FAM8A1: variants seen among roughly 807,000 people sequenced by gnomAD.
FAM8A1 encodes the protein family with sequence similarity 8 member A1.
FAM8A1 carries 18 observed loss-of-function variants against 38.3 expected under a neutral mutation model. The observed-to-expected ratio is 0.47, with a 90% CI of 0.33 to 0.70. The LOEUF (loss-of-function observed/expected upper bound fraction) is 0.70. FAM8A1 is among the 30% of genes least tolerant of loss of function. The pLI, the probability that FAM8A1 is intolerant of heterozygous loss-of-function variation, is 0.03. For missense variants in FAM8A1, 559 were observed against 559.6 expected, an observed-to-expected ratio of 1.00 and a Z score of 0.01; for synonymous variants, 246 against 234.4, an observed-to-expected ratio of 1.05 and a Z score of -0.45.
At chr6:17,606,818 G>A (rs1764059003) in intron 4 of FAM8A1, among the ~76,000 whole-genome samples, 1 of 152,168 alleles carries the variant, frequency 6.6e-6, no homozygotes, top group Non-Finnish European at 1.5e-5. Flanking sequence ...TGGAAACTGT[G>A]GAGGTCAGTG....
intron 1 of FAM8A1, 114 bp from the exon 2 acceptor site, chr6:17,602,476 T>A (rs1365175773): frequency 2.0e-6 from 2 of 1,010,266 alleles, no homozygotes; most frequent in African/African-American, 1.7e-5. Context: ...GTTATAAATA[T>A]TTTTTATTAA....
At chr6:17,606,131 TTGAA>T in intron 4 of FAM8A1, 118 bp downstream of exon 4, 1 of 662,934 alleles carries the variant, frequency 1.5e-6, no homozygotes, top group Non-Finnish European at 2.2e-6. Context: ...AAAACAAAGT[TTGAA>T]TATTTATTTC....
Position 17,600,595 on chromosome 6 carries a change from C to T in FAM8A1, c.186C>T (p.Ala62=), listed in dbSNP as rs1034901040. 1.3e-6 allele frequency: 2 copies of T among 1,492,076 alleles called. No homozygotes were observed. Among genetic ancestry groups the T allele is most frequent in the Non-Finnish European group, 1.8e-6 (2 of 1,125,796 alleles). The allele number at this position is 1,492,076 out of a possible 1,614,324, so 92.4% of individuals were successfully genotyped here. A position where few individuals can be genotyped will look rare whatever the true frequency, so the allele number is the denominator to read the frequency against. Reference sequence around the variant, plus strand: ...CAGCCCCGGGCCTCGCGGCTGCCGCCGCAGCCGACAAATTGGAGCCGCCGC... The same window carrying T: ...CAGCCCCGGGCCTCGCGGCTGCCGCTGCAGCCGACAAATTGGAGCCGCCGC... ...RPTAPGLAAA[A]AADKLEPPRE... is the part of the protein sequence containing the mutation. Residue 62 remains alanine, a synonymous_variant, in exon 1 of 5, where the codon GCC becomes GCT. Transcript: ENST00000259963.
In FAM8A1 at chr6:17,600,784, C is replaced by A. The variant is rs751495375; in HGVS notation, c.375C>A (p.Tyr125Ter). The A allele has an allele frequency of 6.2e-7, 1 of 1,611,250 alleles. No individual in the cohort carries two copies. The highest frequency in any genetic ancestry group is 8.5e-7 in the Non-Finnish European group (1 of 1,179,696). ...RQVHEWLWQS[Y>*]CGYLTWHSGL... is the part of the protein sequence containing the mutation. ...TGCACGAGTGGCTGTGGCAGTCCTA[C>A]TGCGGCTACCTCACCTGGCACAGCG... is the stretch of plus-strand genomic sequence containing the variant. The change falls in exon 1 of 5, where the codon TAC (tyrosine) becomes TAA (stop). Residue 125 changes from tyrosine to a stop codon, truncating the protein, a stop_gained. Transcript: ENST00000259963. LOFTEE classifies it high-confidence loss of function.
At chr6:17,605,098 T>A in intron 3 of FAM8A1, 69 bp downstream of exon 3, 1 of 1,417,604 alleles carries the variant, frequency 7.1e-7, no homozygotes, top group Non-Finnish European at 9.5e-7. Flanking sequence ...TTTATTTTTT[T>A]GAGACAGAGT....
Position 17,608,615 on chromosome 6 carries a change from T to C in FAM8A1, c.*276T>C, listed in dbSNP as rs974425643. On this transcript the variant is annotated 3_prime_UTR_variant, in exon 5 of 5. Coordinates refer to ENST00000259963, the MANE Select transcript of FAM8A1 (RefSeq NM_016255.3). The stretch of plus-strand genomic sequence containing the variant: ...ATACTTTCTTAAGATCTAAGGTACT[T>C]TCTTAAGATCTAAGAATTTGCTGAA... The C allele has an allele frequency of 3.8e-6, 1 of 260,668 alleles. No individual in the cohort carries two copies. The allele number at this position is 260,668 out of a possible 1,614,324, so 16.1% of individuals were successfully genotyped here.
At chr6:17,601,223 CTGAT>C (rs1315731278) in intron 1 of FAM8A1, 102 bp downstream of exon 1, 15 of 1,412,964 alleles carry the variant, frequency 1.1e-5, no homozygotes, top group South Asian at 2.7e-5. Flanking sequence ...TGCTTCTACT[CTGAT>C]TGACTATCCT....
rs1035046039 is a variant in FAM8A1, at chr6:17,611,370, G to T, written c.*3031G>T. The T allele has an allele frequency of 6.6e-6, 1 of 152,574 alleles. No homozygotes were observed. The highest frequency in any genetic ancestry group is 1.5e-5 in the Non-Finnish European group (1 of 68,014). 9.5% of individuals were successfully genotyped at this position (152,574 alleles called of 1,614,324 possible). ...TAAAGGGCTTTTTGAGGGGGGTATG[G>T]ATATTAAATGTTTTCGTTATATACT... On this transcript the variant is annotated 3_prime_UTR_variant, in exon 5 of 5. Transcript: ENST00000259963.
Position 17,600,956 on chromosome 6 carries a change from G to A in FAM8A1, c.547G>A (p.Ala183Thr). The A allele has an allele frequency of 6.3e-7, 1 of 1,592,402 alleles. No individual in the cohort carries two copies. The highest frequency in any genetic ancestry group is 8.5e-7 in the Non-Finnish European group (1 of 1,171,730). ...NPFYFLSPGA[A>T]GPDPRTAAGI... ...CTTCTACTTCCTGAGCCCCGGGGCC[G>A]CGGGGCCTGACCCGCGGACAGCTGC... The change falls in exon 1 of 5, where the codon GCG becomes ACG. Residue 183 changes from alanine (A) to threonine (T), a missense_variant. Around this residue, in one of 2 missense-constraint regions of FAM8A1, gnomAD observed 393 missense variants for 338.9 expected, o/e 1.16. Coordinates refer to ENST00000259963, the MANE Select transcript of FAM8A1 (RefSeq NM_016255.3).
Position 17,608,836 on chromosome 6 carries a change from T to G in FAM8A1, c.*497T>G, listed in dbSNP as rs1649205206. On this transcript the variant is annotated 3_prime_UTR_variant, in exon 5 of 5. Coordinates refer to ENST00000259963, the MANE Select transcript of FAM8A1 (RefSeq NM_016255.3). ...AAATTGGATAATCCACTGTCTCCCA[T>G]CCCAGGAGGTGGTGAGTTGGCTACA... is the stretch of plus-strand genomic sequence containing the variant. 6.6e-6 allele frequency: 1 copy of G among 152,202 alleles called. No homozygotes were observed. Among genetic ancestry groups the G allele is most frequent in the Non-Finnish European group, 1.5e-5 (1 of 68,076 alleles). The allele number at this position is 152,202 out of a possible 1,614,324, so 9.4% of individuals were successfully genotyped here.
At chr6:17,607,519 C>CTA (rs1471401010) in intron 4 of FAM8A1, among the ~76,000 whole-genome samples, 6 of 148,204 alleles carry the variant, frequency 4.0e-5, no homozygotes, top group Non-Finnish European at 9.0e-5. Context: ...TATCTATATA[C>CTA]TATCTATAGT....
In FAM8A1 at chr6:17,602,724, A is replaced by C; in HGVS notation, c.833+14A>C. ...CAGTGGGATAAAGTAAGTTGAGGAC[A>C]TTTGCAGAAGGGTTTTAATTTCTAC... On this transcript the variant is annotated intron_variant, in intron 2 of 4. Transcript: ENST00000259963. 1 of 1,552,726 alleles carries C rather than the reference A, an allele frequency of 6.4e-7. No homozygotes were observed. The highest frequency in any genetic ancestry group is 1.4e-5 in the African/African-American group (1 of 72,494).
chr6:17,602,531 T>C, intron 1 of FAM8A1, 59 bp from the exon 2 acceptor site: 2 of 1,475,088 alleles, frequency 1.4e-6, no homozygotes, highest in Admixed American at 2.3e-5. Context: ...TGGCTTGTGT[T>C]CCAAGGCTTA....
chr6:17,600,626 C>T lies in FAM8A1; in HGVS notation c.217C>T (p.Leu73Phe). The change falls in exon 1 of 5, where the codon CTC becomes TTC. Residue 73 changes from leucine to phenylalanine, a missense_variant. Leu to Phe is a conservative substitution (Grantham distance 22). Coordinates refer to ENST00000259963, the MANE Select transcript of FAM8A1 (RefSeq NM_016255.3). Reference sequence around the variant, plus strand: ...CGACAAATTGGAGCCGCCGCGCGAGCTCAGGAAGCGCGGGGAGGCGGCCTC... The same window carrying T: ...CGACAAATTGGAGCCGCCGCGCGAGTTCAGGAAGCGCGGGGAGGCGGCCTC... ...AADKLEPPRE[L>F]RKRGEAASGS... 6.6e-7 allele frequency: 1 copy of T among 1,521,654 alleles called. No homozygotes were observed. The allele number at this position is 1,521,654 out of a possible 1,614,324, so 94.3% of individuals were successfully genotyped here.
chr6:17,603,375 A>T (rs550096520), intron 2 of FAM8A1, among the ~76,000 whole-genome samples: 1 of 152,244 alleles, frequency 6.6e-6, no homozygotes, highest in Non-Finnish European at 1.5e-5. Flanking sequence ...AGTTGAGCAC[A>T]GAACCTAAAA....
chr6:17,611,007 A>C lies in FAM8A1; in HGVS notation c.*2668A>C, dbSNP rs1208871673. 6.6e-6 allele frequency: 1 copy of C among 152,198 alleles called. No individual in the cohort carries two copies. Among genetic ancestry groups the C allele is most frequent in the East Asian group, 1.9e-4 (1 of 5,196 alleles). 9.4% of individuals were successfully genotyped at this position (152,198 alleles called of 1,614,324 possible). A position where few individuals can be genotyped will look rare whatever the true frequency, so the allele number is the denominator to read the frequency against. ...TAGACTACTCTGTGACTACAGAAAT[A>C]AAGCCAGCACTTTTGGAACTAATAA... On this transcript the variant is annotated 3_prime_UTR_variant, in exon 5 of 5. Transcript: ENST00000259963.
intron 4 of FAM8A1, 145 bp from the exon 5 acceptor site, chr6:17,608,050 A>G (rs1561842279): frequency 6.9e-6 from 6 of 864,956 alleles, no homozygotes; most frequent in Non-Finnish European, 1.1e-5. Flanking sequence ...TCTCTCAACT[A>G]TACCTTGAAT....
At position 17,600,628 on chromosome 6, in the gene FAM8A1, C is replaced by T. The variant is rs1310198578; in HGVS notation, c.219C>T (p.Leu73=). Reference sequence around the variant, plus strand: ...ACAAATTGGAGCCGCCGCGCGAGCTCAGGAAGCGCGGGGAGGCGGCCTCCG... The same window carrying T: ...ACAAATTGGAGCCGCCGCGCGAGCTTAGGAAGCGCGGGGAGGCGGCCTCCG... ...AADKLEPPRE[L]RKRGEAASGS... Residue 73 remains leucine (L), a synonymous_variant, in exon 1 of 5, where the codon CTC becomes CTT. Transcript: ENST00000259963. The T allele has an allele frequency of 2.0e-6, 3 of 1,525,074 alleles. No individual in the cohort carries two copies. In the Admixed American group the frequency reaches 6.5e-5, roughly 33 times the overall value. 94.5% of individuals were successfully genotyped at this position (1,525,074 alleles called of 1,614,324 possible). A position where few individuals can be genotyped will look rare whatever the true frequency, so the allele number is the denominator to read the frequency against.
chr6:17,602,753 T>C (rs761283295), intron 2 of FAM8A1, 43 bp downstream of exon 2: 1 of 1,577,944 alleles, frequency 6.3e-7, no homozygotes, highest in Non-Finnish European at 8.6e-7. Flanking sequence ...TTTCTACTGT[T>C]TAATGATCTT....
Sources: allele counts gnomAD v4.1 joint callset (sites outside exome capture counted in the v4.1 genomes callset), GRCh38; gene constraint gnomAD v4.1.1; regional missense constraint gnomAD v4.1.1; transcripts MANE v1.5; gene names NCBI Gene and HGNC (gene_info 2026-07-23, HGNC 2026-07-21).